Variants in DIAPH2 observed in about 807,000 individuals in gnomAD.
DIAPH2 encodes the protein protein diaphanous homolog 2.
In DIAPH2, 35 loss-of-function variants were observed where a neutral mutation model predicts 92.7. The observed-to-expected ratio is 0.38, with a 90% CI of 0.29 to 0.50. The LOEUF is 0.50. DIAPH2 is among the 20% of genes least tolerant of loss of function. The probability of loss-of-function intolerance (pLI) is 0.94; values close to 1 mark genes in which losing one functional copy is unlikely to be tolerated. For missense variants in DIAPH2, 701 were observed against 819.5 expected (o/e 0.86, Z 1.77); for synonymous variants, 301 against 280.4 (o/e 1.07, Z -0.73).
At chrX:96,775,716 GTCATGGCTC>G (rs2064373238) in intron 4 of DIAPH2, among the ~76,000 whole-genome samples, 2 of 110,789 alleles carry the variant, frequency 1.8e-5, no homozygotes, top group South Asian at 7.7e-4. Context: ...GGGGGTTTAG[GTCATGGCTC>G]TCTCTCTTAA....
At chrX:97,218,441 A>G (rs1177390898) in intron 22 of DIAPH2, among the ~76,000 whole-genome samples, 1 of 111,814 alleles carries the variant, frequency 8.9e-6, no homozygotes, top group Non-Finnish European at 1.9e-5. Context: ...GGAAAGTAAC[A>G]CTATAAAATG....
intron 20 of DIAPH2, among the ~76,000 whole-genome samples, chrX:97,102,653 G>C (rs1465442328): frequency 1.8e-5 from 2 of 111,946 alleles, no homozygotes; most frequent in East Asian, 5.6e-4. Context: ...TATTAAGGAT[G>C]AGGATGCCGG....
chrX:96,783,251 G>A (rs778474350), intron 4 of DIAPH2, among the ~76,000 whole-genome samples: 1 of 112,076 alleles, frequency 8.9e-6, no homozygotes, highest in African/African-American at 3.2e-5. Flanking sequence ...AGTTAAAGAA[G>A]ACTCTGGAAT....
chrX:97,413,995 TC>T (rs1372875625), intron 25 of DIAPH2, among the ~76,000 whole-genome samples: 2 of 112,085 alleles, frequency 1.8e-5, no homozygotes, highest in African/African-American at 6.5e-5. Context: ...ATTTATAGAT[TC>T]AGTGCCATCC....
chrX:96,933,827 A>C (rs1200738678), intron 10 of DIAPH2, among the ~76,000 whole-genome samples: 1 of 99,434 alleles, frequency 1.0e-5, no homozygotes, highest in Non-Finnish European at 2.0e-5. Flanking sequence ...CATGTTGGCC[A>C]GGATGGTCTC....
At position 97,599,705 on chromosome X, in the gene DIAPH2, T is replaced by TAGAA. The variant is rs1454366504; in HGVS notation, c.*393_*396dup. ...CAAAAACAAAAGAGAAGAAAAAGAATAGAAAGAATTATCCAGTGTCAGCTT... is the reference window on the plus strand; with the variant it reads ...CAAAAACAAAAGAGAAGAAAAAGAATAGAAAGAAAGAATTATCCAGTGTCAGCTT... On this transcript the variant is annotated 3_prime_UTR_variant, in exon 27 of 27. Transcript: ENST00000324765. The TAGAA allele has an allele frequency of 8.0e-6, 1 of 125,004 alleles. No individual in the cohort carries two copies. Among genetic ancestry groups the TAGAA allele is most frequent in the Admixed American group, 8.9e-5 (1 of 11,187 alleles). 10.3% of individuals were successfully genotyped at this position (125,004 alleles called of 1,213,427 possible).
In DIAPH2 at chrX:97,154,870, T is replaced by C. The variant is rs140430488; in HGVS notation, c.2719+13076T>C. Among the ~76,000 whole-genome samples, 601 of 112,407 alleles carry C rather than the reference T, an allele frequency of 5.3e-3. 8 individuals are homozygous for C. Among genetic ancestry groups the C allele is most frequent in the African/African-American group, 0.019 (579 of 30,949 alleles). On this transcript the variant is annotated intron_variant, in intron 22 of 26. Transcript: ENST00000324765. ...CATTAGAAAACACACTGAATAGATA[T>C]TCTTCGGAGGAAAATGAATTGTTGA...
intron 22 of DIAPH2, among the ~76,000 whole-genome samples, chrX:97,237,707 C>G (rs1254382744): frequency 9.1e-6 from 1 of 110,473 alleles, no homozygotes; most frequent in African/African-American, 3.3e-5. Flanking sequence ...TCAGCCTCCC[C>G]AGTAGCTGGT....
rs139682180 is a variant in DIAPH2, at chrX:96,749,667, C to T, written c.343-8487C>T. On this transcript the variant is annotated intron_variant, in intron 3 of 26. Coordinates refer to ENST00000324765, the MANE Select transcript of DIAPH2 (RefSeq NM_006729.5). ...TTCTTGCAACTAATCTGGGGTGTTG[C>T]ATTTTTATATTTCTAAATAAATGGG... 3.6e-5 allele frequency among the ~76,000 whole-genome samples: 4 copies of T among 111,944 alleles called. 1 individual carries two copies. In the East Asian group the frequency reaches 8.4e-4, roughly 24 times the overall value.
At chrX:97,306,296 T>C (rs1474933564) in intron 23 of DIAPH2, among the ~76,000 whole-genome samples, 1 of 111,156 alleles carries the variant, frequency 9.0e-6, no homozygotes, top group Non-Finnish European at 1.9e-5. Context: ...AGCATAACTC[T>C]CTTTGGCCCC....
chrX:97,436,383 G>A (rs1013532406), intron 26 of DIAPH2, among the ~76,000 whole-genome samples: 2 of 110,776 alleles, frequency 1.8e-5, no homozygotes, highest in African/African-American at 6.6e-5. Context: ...ATGTATTTTG[G>A]TTTTAGAACC....
At chrX:97,236,836 G>A (rs1752411244) in intron 22 of DIAPH2, among the ~76,000 whole-genome samples, 1 of 111,499 alleles carries the variant, frequency 9.0e-6, no homozygotes, top group Non-Finnish European at 1.9e-5. Flanking sequence ...GAACCACCGC[G>A]CCCGGCGTGT....
At chrX:97,134,247 G>A (rs1296826658) in intron 21 of DIAPH2, among the ~76,000 whole-genome samples, 1 of 111,852 alleles carries the variant, frequency 8.9e-6, no homozygotes, top group African/African-American at 3.2e-5. Context: ...ATACCAATCA[G>A]TCTTATTTTT....
chrX:96,712,348 A>T (rs1238793122), intron 1 of DIAPH2, among the ~76,000 whole-genome samples: 1 of 109,516 alleles, frequency 9.1e-6, no homozygotes, highest in Non-Finnish European at 1.9e-5. Context: ...CCCTTTTATA[A>T]TTTTTCTTAA....
At chrX:97,511,642 G>T (rs1269221151) in intron 26 of DIAPH2, among the ~76,000 whole-genome samples, 1 of 109,594 alleles carries the variant, frequency 9.1e-6, no homozygotes, top group African/African-American at 3.3e-5. Context: ...ATTGGCTGTG[G>T]GTTTGTCATA....
intron 22 of DIAPH2, among the ~76,000 whole-genome samples, chrX:97,210,806 C>A (rs1325287774): frequency 5.4e-5 from 6 of 111,726 alleles, no homozygotes; most frequent in Non-Finnish European, 1.9e-5. Context: ...TCTGTAGATA[C>A]CCGCTTCATT....
intron 9 of DIAPH2, among the ~76,000 whole-genome samples, chrX:96,926,148 A>G (rs1225025364): frequency 9.0e-6 from 1 of 111,298 alleles, no homozygotes; most frequent in Non-Finnish European, 1.9e-5. Flanking sequence ...ATTGTACCCC[A>G]TAGCTCTGTG....
intron 22 of DIAPH2, among the ~76,000 whole-genome samples, chrX:97,213,889 A>G (rs760428247): frequency 3.6e-5 from 4 of 112,087 alleles, no homozygotes; most frequent in Non-Finnish European, 7.5e-5. Flanking sequence ...CACTCATATT[A>G]ATATTAACCT....
chrX:96,930,696 G>A (rs2065613652), intron 9 of DIAPH2, 37 bp from the exon 10 acceptor site: 1 of 1,025,063 alleles, frequency 9.8e-7, no homozygotes, highest in Non-Finnish European at 1.4e-6. Context: ...TTAATTTAAT[G>A]TGTTTTTTTA....
Sources: allele counts gnomAD v4.1 joint callset (sites outside exome capture counted in the v4.1 genomes callset), GRCh38; gene constraint gnomAD v4.1.1; transcripts MANE v1.5; gene names NCBI Gene and HGNC (gene_info 2026-07-23, HGNC 2026-07-21).